MME: variants seen among roughly 807,000 people sequenced by gnomAD.
The protein encoded by MME is neprilysin.
A neutral mutation model predicts 113.2 loss-of-function variants in MME; 98 were observed. The ratio of observed to expected loss-of-function variants is 0.87; its 90% CI spans 0.74 to 1.02. MME has a LOEUF of 1.02. Ranked by LOEUF, MME falls within the 50% of genes least tolerant of loss-of-function variation. MME has a pLI of 0.00. For synonymous variants in MME, 292 were observed against 300.6 expected (o/e 0.97, Z 0.30); for missense variants, 836 against 896.0 (o/e 0.93, Z 0.86).
intron 1 of MME, among the ~76,000 whole-genome samples, chr3:155,067,695 C>G (rs1486942926): frequency 2.0e-5 from 3 of 152,080 alleles, no homozygotes; most frequent in Non-Finnish European, 2.9e-5. Flanking sequence ...CACTTAACAT[C>G]ATTAGTCATT....
chr3:155,024,899 G>A (rs895605398), intron 1 of MME, among the ~76,000 whole-genome samples: 1 of 152,130 alleles, frequency 6.6e-6, no homozygotes, highest in African/African-American at 2.4e-5. Context: ...GGGGAATTGG[G>A]GTGATATCTT....
At chr3:155,173,176 A>G (rs1712171492) in intron 22 of MME, among the ~76,000 whole-genome samples, 1 of 152,026 alleles carries the variant, frequency 6.6e-6, no homozygotes, top group South Asian at 2.1e-4. Context: ...AAAGAGAACA[A>G]TGATTGAAGA....
chr3:155,144,707 G>T (rs964077455), intron 14 of MME, among the ~76,000 whole-genome samples: 3 of 152,056 alleles, frequency 2.0e-5, no homozygotes, highest in African/African-American at 7.2e-5. Flanking sequence ...ATGTAAGGTG[G>T]TGCACTATTG....
At chr3:155,116,386 T>G (rs908864625) in intron 4 of MME, 93 bp from the exon 5 acceptor site, 14 of 958,854 alleles carry the variant, frequency 1.5e-5, no homozygotes, top group Non-Finnish European at 2.4e-5. Flanking sequence ...TGAACCCACT[T>G]TGCAAATGTT....
chr3:155,153,371 T>C lies in MME; in HGVS notation c.1601+4718T>C, dbSNP rs537624806. 3.9e-4 allele frequency among the ~76,000 whole-genome samples: 59 copies of C among 152,300 alleles called. No homozygotes were observed. In the South Asian group the frequency reaches 6.4e-3, roughly 17 times the overall value. On this transcript the variant is annotated intron_variant, in intron 16 of 22. Coordinates refer to ENST00000360490, the MANE Select transcript of MME (RefSeq NM_007289.4). Reference sequence around the variant, plus strand: ...TTCCAAAATCATCTCAAACATTATGTCTTTTAAGGATTTTGCGCCAGTTTG... The same window carrying C: ...TTCCAAAATCATCTCAAACATTATGCCTTTTAAGGATTTTGCGCCAGTTTG...
intron 1 of MME, among the ~76,000 whole-genome samples, chr3:155,033,792 A>T (rs73874454): frequency 0.097 from 14,729 of 152,080 alleles, 1,180 homozygotes; most frequent in African/African-American, 0.22. Flanking sequence ...AGATATACCT[A>T]TGTTTTATTA....
intron 3 of MME, among the ~76,000 whole-genome samples, chr3:155,093,993 C>A (rs1312002138): frequency 1.3e-5 from 2 of 152,026 alleles, no homozygotes; most frequent in East Asian, 1.9e-4. Context: ...CTTTCTCATA[C>A]AATGTATATT....
chr3:155,159,833 C>T (rs548035784), intron 16 of MME, among the ~76,000 whole-genome samples: 20 of 152,134 alleles, frequency 1.3e-4, no homozygotes, highest in African/African-American at 4.6e-4. Flanking sequence ...TATATCTTTG[C>T]TCAATTAGCT....
intron 1 of MME, among the ~76,000 whole-genome samples, chr3:155,030,437 T>C (rs948038761): frequency 6.6e-6 from 1 of 152,216 alleles, no homozygotes; most frequent in Admixed American, 6.5e-5. Flanking sequence ...TGTTAGATTA[T>C]TGACTTCAGG....
At chr3:155,071,172 T>C (rs961847845) in intron 1 of MME, among the ~76,000 whole-genome samples, 2 of 152,208 alleles carry the variant, frequency 1.3e-5, no homozygotes, top group Non-Finnish European at 2.9e-5. Flanking sequence ...TTCCCGTTTC[T>C]CTGCGTATTG....
intron 3 of MME, among the ~76,000 whole-genome samples, chr3:155,107,352 C>CAAA (rs199544238): frequency 2.8e-5 from 2 of 70,480 alleles, no homozygotes; most frequent in Non-Finnish European, 5.5e-5. Flanking sequence ...GACTCTGTCT[C>CAAA]AAAAAAAAAA....
At chr3:155,158,947 T>C (rs1414422953) in intron 16 of MME, 1 of 152,006 alleles carries the variant, frequency 6.6e-6, no homozygotes, top group African/African-American at 2.4e-5. Context: ...AACATGTTGA[T>C]CAATCATTCT....
rs940562112 is a variant in MME, at chr3:155,183,027, G to A, written c.*2568G>A. 1 of 152,190 alleles carries A rather than the reference G, an allele frequency of 6.6e-6. No individual in the cohort carries two copies. Among genetic ancestry groups the A allele is most frequent in the Non-Finnish European group, 1.5e-5 (1 of 68,048 alleles). The allele number at this position is 152,190 out of a possible 1,614,324, so 9.4% of individuals were successfully genotyped here. A position where few individuals can be genotyped will look rare whatever the true frequency, so the allele number is the denominator to read the frequency against. Reference sequence around the variant, plus strand: ...GCTGAGTTCTGGTCAAAGAAAGAAAGTTTAGAAGCTGAGACACAAAGGGTT... The same window carrying A: ...GCTGAGTTCTGGTCAAAGAAAGAAAATTTAGAAGCTGAGACACAAAGGGTT... On this transcript the variant is annotated 3_prime_UTR_variant, in exon 23 of 23. Transcript: ENST00000360490.
Position 155,028,138 on chromosome 3 carries a change from C to T in MME, c.-11+3814C>T, listed in dbSNP as rs188283155. ...GCCTATTATCATGCACCTTTCTAGG[C>T]TCTGGAGATTTAGTGAAACAGACAA... is the stretch of plus-strand genomic sequence containing the variant. On this transcript the variant is annotated intron_variant, in intron 1 of 22. Coordinates refer to the MME transcript ENST00000492661. Among the ~76,000 whole-genome samples, 206 of 152,298 alleles carry T rather than the reference C, an allele frequency of 1.4e-3. 1 individual carries two copies. The highest frequency in any genetic ancestry group is 1.7e-3 in the African/African-American group (71 of 41,574).
At chr3:155,043,499 A>G (rs540693984) in intron 1 of MME, among the ~76,000 whole-genome samples, 9 of 151,854 alleles carry the variant, frequency 5.9e-5, no homozygotes, top group Non-Finnish European at 1.2e-4. Context: ...CGCCCGGCCA[A>G]TTATGTATTT....
intron 1 of MME, among the ~76,000 whole-genome samples, chr3:155,070,169 C>T (rs115078914): frequency 5.6e-4 from 85 of 152,294 alleles, no homozygotes; most frequent in African/African-American, 1.9e-3. Flanking sequence ...CAAATGGGCT[C>T]TCTTAACACT....
chr3:155,101,124 C>CT (rs1717171017), intron 3 of MME, among the ~76,000 whole-genome samples: 1 of 152,100 alleles, frequency 6.6e-6, no homozygotes, highest in African/African-American at 2.4e-5. Flanking sequence ...CGTGAGATGC[C>CT]TGCTCCTCCT....
intron 8 of MME, among the ~76,000 whole-genome samples, chr3:155,124,476 T>A (rs989935883): frequency 3.9e-5 from 6 of 152,170 alleles, no homozygotes; most frequent in Admixed American, 3.9e-4. Flanking sequence ...CTGCGTTCCT[T>A]TGGAGGAGGA....
chr3:155,170,055 CT>C (rs923084581), intron 20 of MME, among the ~76,000 whole-genome samples: 29 of 151,956 alleles, frequency 1.9e-4, no homozygotes, highest in African/African-American at 6.8e-4. Context: ...CATTTTACCT[CT>C]TTTTTTTGAG....
Sources: allele counts gnomAD v4.1 joint callset (sites outside exome capture counted in the v4.1 genomes callset), GRCh38; gene constraint gnomAD v4.1.1; transcripts MANE v1.5; gene names NCBI Gene and HGNC (gene_info 2026-07-23, HGNC 2026-07-21).